Variants in FREM2 observed in about 807,000 individuals in gnomAD.
FREM2 encodes FRAS1 related extracellular matrix 2.
FREM2 carries 119 observed loss-of-function variants against 219.9 expected under a neutral mutation model. The ratio of observed to expected loss-of-function variants is 0.54; its 90% CI spans 0.47 to 0.63. FREM2 has a LOEUF of 0.63. FREM2 is among the 30% of genes least tolerant of loss of function. FREM2 has a pLI of 0.00. For missense variants in FREM2, 4,030 were observed against 3,993.6 expected (o/e 1.01, Z -0.25); for synonymous variants, 1,562 against 1,522.8 (o/e 1.03, Z -0.60).
intron 15 of FREM2, among the ~76,000 whole-genome samples, chr13:38,861,908 C>T (rs1415173345): frequency 1.3e-5 from 2 of 152,194 alleles, no homozygotes; most frequent in Non-Finnish European, 2.9e-5. Context: ...CTACCTTCAA[C>T]ATGTGTTGCA....
Position 38,764,333 on chromosome 13 carries a change from C to A in FREM2, c.5293C>A (p.Arg1765Ser). 1.2e-6 allele frequency: 2 copies of A among 1,611,862 alleles called. No individual in the cohort carries two copies. The highest frequency in any genetic ancestry group is 1.7e-6 in the Non-Finnish European group (2 of 1,178,202). ...AAACAAGTTAACGTACCAGAATTTT[C>A]GTCTGAATTGGGCATGGATCTCCTT... ...GGNKLTYQNF[R>S]LNWAWISFEK... is the part of the protein sequence containing the mutation. The change falls in exon 3 of 24, where the codon CGT (arginine) becomes AGT (serine). Residue 1765 changes from arginine to serine, a missense_variant. Physicochemically the swap from Arg to Ser is moderately radical, Grantham distance 110 (BLOSUM62 -1). Transcript: ENST00000280481.
intron 6 of FREM2, among the ~76,000 whole-genome samples, chr13:38,828,586 C>T (rs1038572735): frequency 1.3e-5 from 2 of 151,904 alleles, no homozygotes; most frequent in Non-Finnish European, 2.9e-5. Context: ...TGTTGTGTAC[C>T]TGTAATCCTA....
Position 38,692,346 on chromosome 13 carries a change from C to A in FREM2, c.5002C>A (p.Arg1668Ser). The change falls in exon 1 of 24, where the codon CGC becomes AGC. Residue 1668 changes from arginine to serine, a missense_variant. Around this residue, in one of 2 missense-constraint regions of FREM2, gnomAD observed 3,102 missense variants for 2,950.7 expected, o/e 1.05. Coordinates refer to ENST00000280481, the MANE Select transcript of FREM2 (RefSeq NM_207361.6). ...IAVNKGASTL[R>S]TLATGHLGFM... is the part of the protein sequence containing the mutation. ...AGTGAATAAGGGGGCCTCTACACTTCGCACTCTAGCCACTGGCCACTTGGG... is the reference window on the plus strand; with the variant it reads ...AGTGAATAAGGGGGCCTCTACACTTAGCACTCTAGCCACTGGCCACTTGGG... 6.2e-7 allele frequency: 1 copy of A among 1,604,102 alleles called. No homozygotes were observed.
intron 18 of FREM2, 94 bp downstream of exon 18, chr13:38,874,680 TGAAGCC>T: frequency 1.1e-6 from 1 of 941,610 alleles, no homozygotes; most frequent in South Asian, 1.3e-5. Flanking sequence ...CTGTTACCAC[TGAAGCC>T]CTTAATCTCA....
intron 4 of FREM2, among the ~76,000 whole-genome samples, chr13:38,771,428 G>A (rs530596498): frequency 6.6e-6 from 1 of 151,988 alleles, no homozygotes; most frequent in Non-Finnish European, 1.5e-5. Context: ...TACAATTGCC[G>A]TATTACCTGA....
chr13:38,815,973 C>G (rs1009377524), intron 6 of FREM2, among the ~76,000 whole-genome samples: 3 of 152,092 alleles, frequency 2.0e-5, no homozygotes, highest in Admixed American at 2.0e-4. Context: ...CATATCCAAA[C>G]TACAGTAGAA....
intron 7 of FREM2, among the ~76,000 whole-genome samples, chr13:38,847,784 A>G (rs1160934174): frequency 1.3e-5 from 2 of 152,188 alleles, no homozygotes; most frequent in Non-Finnish European, 2.9e-5. Context: ...ACCACTGTCA[A>G]TCTTTGTGGA....
At chr13:38,797,787 T>A (rs1010369727) in intron 6 of FREM2, among the ~76,000 whole-genome samples, 30 of 152,264 alleles carry the variant, frequency 2.0e-4, no homozygotes, top group African/African-American at 6.5e-4. Context: ...AAGTCTTTAA[T>A]CCATCTTGAC....
At chr13:38,831,820 A>T (rs898272971) in intron 6 of FREM2, among the ~76,000 whole-genome samples, 5 of 149,328 alleles carry the variant, frequency 3.3e-5, no homozygotes, top group African/African-American at 1.2e-4. Context: ...GGCTTTTGCC[A>T]TGTTGGCCAG....
intron 2 of FREM2, among the ~76,000 whole-genome samples, chr13:38,708,952 G>T (rs1870649466): frequency 6.6e-6 from 1 of 152,034 alleles, no homozygotes; most frequent in South Asian, 2.1e-4. Context: ...TAGAGTCAGG[G>T]TTTCATCATG....
intron 2 of FREM2, among the ~76,000 whole-genome samples, chr13:38,703,385 A>G (rs1870416112): frequency 6.6e-6 from 1 of 152,188 alleles, no homozygotes; most frequent in Non-Finnish European, 1.5e-5. Context: ...TTAGGGAGTT[A>G]TAATAAGATG....
Position 38,788,317 on chromosome 13 carries a change from C to T in FREM2, c.6019+3509C>T, listed in dbSNP as rs17443285. ...AATCTTCACCCTGAGAGTAAAGTTGCAGTTATCCAGTTTAGTATTCCATTG... is the reference window on the plus strand; with the variant it reads ...AATCTTCACCCTGAGAGTAAAGTTGTAGTTATCCAGTTTAGTATTCCATTG... On this transcript the variant is annotated intron_variant, in intron 6 of 23. Transcript: ENST00000280481. Among the ~76,000 whole-genome samples the T allele has an allele frequency of 4.9e-3, 749 of 152,188 alleles. 3 individuals carry two copies. Among genetic ancestry groups the T allele is most frequent in the Middle Eastern group, 0.014 (4 of 294 alleles).
At chr13:38,872,674 C>T (rs1593456968) in intron 16 of FREM2, 68 bp from the exon 17 acceptor site, 1 of 1,332,174 alleles carries the variant, frequency 7.5e-7, no homozygotes, top group Non-Finnish European at 1.1e-6. Context: ...GAGAAAATGG[C>T]TTGTACAAAA....
intron 6 of FREM2, among the ~76,000 whole-genome samples, chr13:38,840,180 C>T (rs66889481): frequency 0.14 from 21,507 of 151,986 alleles, 1,754 homozygotes; most frequent in Admixed American, 0.24. Context: ...ACGGCACAGT[C>T]CCTCATGGCT....
At chr13:38,811,422 T>G (rs1019896528) in intron 6 of FREM2, among the ~76,000 whole-genome samples, 3 of 152,212 alleles carry the variant, frequency 2.0e-5, no homozygotes, top group African/African-American at 7.2e-5. Flanking sequence ...TTCTGTTTTT[T>G]GATGTAAGCA....
At chr13:38,799,516 G>A (rs1365851486) in intron 6 of FREM2, among the ~76,000 whole-genome samples, 2 of 151,954 alleles carry the variant, frequency 1.3e-5, no homozygotes, top group Non-Finnish European at 2.9e-5. Context: ...ATATTTCTTT[G>A]TTTATTTTCT....
At chr13:38,790,124 A>G (rs1874499483) in intron 6 of FREM2, among the ~76,000 whole-genome samples, 2 of 152,134 alleles carry the variant, frequency 1.3e-5, no homozygotes, top group Admixed American at 1.3e-4. Context: ...TAGGACTCCA[A>G]ATCTGTGTAT....
chr13:38,776,702 G>C (rs1300305891), intron 4 of FREM2, among the ~76,000 whole-genome samples: 1 of 151,996 alleles, frequency 6.6e-6, no homozygotes, highest in African/African-American at 2.4e-5. Context: ...GTTAATAATG[G>C]TGGAAAATGA....
intron 14 of FREM2, among the ~76,000 whole-genome samples, chr13:38,859,906 G>A (rs1877702115): frequency 6.7e-6 from 1 of 150,086 alleles, no homozygotes. Context: ...CAGGGCACAG[G>A]AATGCACAGG....
Sources: allele counts gnomAD v4.1 joint callset (sites outside exome capture counted in the v4.1 genomes callset), GRCh38; gene constraint gnomAD v4.1.1; regional missense constraint gnomAD v4.1.1; transcripts MANE v1.5; gene names NCBI Gene and HGNC (gene_info 2026-07-23, HGNC 2026-07-21).